Variants in TCERG1L observed in about 807,000 individuals in gnomAD.
TCERG1L encodes transcription elongation regulator 1-like protein.
Under a neutral mutation model 56.3 loss-of-function variants are expected in TCERG1L, and 37 were observed. The observed-to-expected ratio is 0.66, with a 90% CI of 0.51 to 0.87. The LOEUF is 0.87. TCERG1L is among the 40% of genes least tolerant of loss of function. The pLI, the probability that TCERG1L is intolerant of heterozygous loss-of-function variation, is 0.00. For synonymous variants in TCERG1L, 324 were observed against 326.3 expected (o/e 0.99, Z 0.08); for missense variants, 799 against 774.2 (o/e 1.03, Z -0.38).
intron 4 of TCERG1L, among the ~76,000 whole-genome samples, chr10:131,208,584 C>T (rs1231646199): frequency 2.0e-5 from 3 of 152,194 alleles, no homozygotes; most frequent in Non-Finnish European, 4.4e-5. Context: ...CACAATCTGT[C>T]CCCTGCCCCA....
At chr10:131,299,612 C>T (rs865933676) in intron 3 of TCERG1L, among the ~76,000 whole-genome samples, 86 of 150,006 alleles carry the variant, frequency 5.7e-4, no homozygotes, top group Admixed American at 4.2e-3. Flanking sequence ...TAGATGTCCT[C>T]TGTCAATTTG....
intron 6 of TCERG1L, among the ~76,000 whole-genome samples, chr10:131,150,730 C>G (rs1427952563): frequency 6.6e-6 from 1 of 152,172 alleles, no homozygotes; most frequent in Non-Finnish European, 1.5e-5. Context: ...ACGTGGATCT[C>G]CTGTCATCCT....
chr10:131,128,220 G>T (rs1163563106), intron 8 of TCERG1L, among the ~76,000 whole-genome samples: 1 of 152,150 alleles, frequency 6.6e-6, no homozygotes, highest in Non-Finnish European at 1.5e-5. Context: ...GTCATAGAAG[G>T]AATAGAAAGT....
At chr10:131,117,279 C>T (rs113740725) in intron 8 of TCERG1L, among the ~76,000 whole-genome samples, 193 of 152,296 alleles carry the variant, frequency 1.3e-3, no homozygotes, top group Non-Finnish European at 2.0e-3. Flanking sequence ...CCACGGCCCA[C>T]GGCAGGGAAG....
At chr10:131,306,582 T>C (rs1383592852) in intron 3 of TCERG1L, among the ~76,000 whole-genome samples, 2 of 152,166 alleles carry the variant, frequency 1.3e-5, no homozygotes, top group African/African-American at 4.8e-5. Context: ...CATGATGTGC[T>C]TATTTCACAT....
At chr10:131,151,164 T>A (rs1845861962) in intron 6 of TCERG1L, among the ~76,000 whole-genome samples, 1 of 152,170 alleles carries the variant, frequency 6.6e-6, no homozygotes, top group Admixed American at 6.5e-5. Context: ...CCTTTCACAT[T>A]TCAAAACCAA....
At chr10:131,289,340 A>AAAGT (rs10523153) in intron 3 of TCERG1L, among the ~76,000 whole-genome samples, 114,788 of 151,712 alleles carry the variant, frequency 0.76, 44,022 homozygotes, top group Non-Finnish European at 0.81. Context: ...TCTGATTATA[A>AAAGT]AATACAGACT....
intron 3 of TCERG1L, among the ~76,000 whole-genome samples, chr10:131,266,167 TA>T (rs1364532630): frequency 6.6e-6 from 1 of 152,254 alleles, no homozygotes; most frequent in African/African-American, 2.4e-5. Context: ...CCTTATGCGT[TA>T]AAGTTGTATT....
chr10:131,153,700 G>A (rs927066235), intron 6 of TCERG1L, among the ~76,000 whole-genome samples: 7 of 152,184 alleles, frequency 4.6e-5, no homozygotes, highest in African/African-American at 1.7e-4. Flanking sequence ...GACACCCAAG[G>A]TGCATTCCGA....
At position 131,311,588 on chromosome 10, in the gene TCERG1L, C is replaced by A. The variant is rs1846901883; in HGVS notation, c.48G>T (p.Gln16His). Residue 16 changes from glutamine (Q) to histidine (H), a missense_variant, in exon 1 of 12, where the codon CAG becomes CAT. Physicochemically the swap from Gln to His is conservative, Grantham distance 24. Coordinates refer to ENST00000368642, the MANE Select transcript of TCERG1L (RefSeq NM_174937.4). This position sits in a 1 kb window ranked among gnomAD's most constrained non-coding sequence, Gnocchi z 4.0. ...RFQRRRRQLQ[Q>H]QQPRRRQPLL... ...GAGGCTGCCGCCGCCGGGGCTGCTG[C>A]TGCTGCAGCTGCCGCCGCCGCCGCT... is the stretch of plus-strand genomic sequence containing the variant. 1 of 1,152,622 alleles carries A rather than the reference C, an allele frequency of 8.7e-7. No individual in the cohort carries two copies. The highest frequency in any genetic ancestry group is 4.8e-5 in the Admixed American group (1 of 20,800). 71.4% of individuals were successfully genotyped at this position (1,152,622 alleles called of 1,614,324 possible). A position where few individuals can be genotyped will look rare whatever the true frequency, so the allele number is the denominator to read the frequency against.
At chr10:131,288,219 C>T (rs1459692535) in intron 3 of TCERG1L, among the ~76,000 whole-genome samples, 1 of 152,050 alleles carries the variant, frequency 6.6e-6, no homozygotes, top group African/African-American at 2.4e-5. Context: ...TTTCTCCCCC[C>T]AACTCTCTAA....
At chr10:131,284,055 G>A (rs57266250) in intron 3 of TCERG1L, among the ~76,000 whole-genome samples, 11,153 of 151,330 alleles carry the variant, frequency 0.074, 522 homozygotes, top group African/African-American at 0.12. Flanking sequence ...TGAACCCAGG[G>A]GGCGAGGCTG....
At chr10:131,179,910 A>G (rs1184414215) in intron 4 of TCERG1L, among the ~76,000 whole-genome samples, 1 of 152,202 alleles carries the variant, frequency 6.6e-6, no homozygotes, top group African/African-American at 2.4e-5. Context: ...GGAATTCTCC[A>G]TTCTGCTGCT....
intron 7 of TCERG1L, among the ~76,000 whole-genome samples, chr10:131,138,468 G>A (rs76340807): frequency 0.028 from 4,199 of 152,204 alleles, 113 homozygotes; most frequent in African/African-American, 0.034. Flanking sequence ...GAGAGAATCT[G>A]ATTTCCACCA....
At chr10:131,254,518 A>T (rs932167198) in intron 4 of TCERG1L, among the ~76,000 whole-genome samples, 1 of 152,078 alleles carries the variant, frequency 6.6e-6, no homozygotes, top group African/African-American at 2.4e-5. Flanking sequence ...ACTTGGCCTG[A>T]CAAAGGTCCT....
At chr10:131,176,425 CAT>C (rs76829431) in intron 4 of TCERG1L, among the ~76,000 whole-genome samples, 1 of 50,322 alleles carries the variant, frequency 2.0e-5, no homozygotes. Flanking sequence ...CACCAAGACA[CAT>C]GTACACACAG....
intron 4 of TCERG1L, among the ~76,000 whole-genome samples, chr10:131,221,205 C>A (rs1037305677): frequency 6.6e-6 from 1 of 152,208 alleles, no homozygotes; most frequent in African/African-American, 2.4e-5. Flanking sequence ...CACCCTGACC[C>A]GCCAAGAGCC....
intron 11 of TCERG1L, among the ~76,000 whole-genome samples, chr10:131,093,760 C>T (rs1845210866): frequency 1.3e-5 from 2 of 152,270 alleles, no homozygotes; most frequent in East Asian, 1.9e-4. Context: ...TAGAGCTGCT[C>T]GTCATGAGAA....
intron 6 of TCERG1L, chr10:131,161,905 G>A (rs2133429903): frequency 6.6e-6 from 1 of 152,368 alleles, no homozygotes; most frequent in South Asian, 2.1e-4. Context: ...CCTGAGCATT[G>A]CTTCCACTGG....
Sources: allele counts gnomAD v4.1 joint callset (sites outside exome capture counted in the v4.1 genomes callset), GRCh38; gene constraint gnomAD v4.1.1; non-coding constraint Gnocchi (gnomAD v3.1); transcripts MANE v1.5; gene names NCBI Gene and HGNC (gene_info 2026-07-23, HGNC 2026-07-21).